The following SLC16A12 variants were observed in gnomAD, a reference collection of about 807,000 sequenced individuals.
SLC16A12 encodes solute carrier family 16 member 12.
A neutral mutation model predicts 42.4 loss-of-function variants in SLC16A12; 17 were observed. The ratio of observed to expected loss-of-function variants is 0.40; its 90% CI spans 0.27 to 0.60. SLC16A12 has a LOEUF of 0.60. Ranked by LOEUF, SLC16A12 falls within the 20% of genes least tolerant of loss-of-function variation. The pLI is 0.42. For synonymous variants in SLC16A12, 224 were observed against 229.4 expected (o/e 0.98, Z 0.21); for missense variants, 544 against 623.0 (o/e 0.87, Z 1.35).
At chr10:89,445,132 A>C (rs1242549676) in intron 3 of SLC16A12, among the ~76,000 whole-genome samples, 1 of 152,262 alleles carries the variant, frequency 6.6e-6, no homozygotes, top group Non-Finnish European at 1.5e-5. Context: ...CAGCTCAACC[A>C]GACTTCACCT....
chr10:89,499,886 T>C (rs1411122748), intron 2 of SLC16A12, among the ~76,000 whole-genome samples: 1 of 151,966 alleles, frequency 6.6e-6, no homozygotes, highest in Non-Finnish European at 1.5e-5. Flanking sequence ...ATAAATGAAA[T>C]TGTTAGACCA....
Position 89,435,948 on chromosome 10 carries a change from C to T in SLC16A12, c.1288+112G>A, listed in dbSNP as rs139867534. ...GCTCTTATATCCCTTTTCTCTTTCA[C>T]TCTTCCCCAACTCTCTTGACAGTCC... On this transcript the variant is annotated intron_variant, in intron 7 of 7. Coordinates refer to ENST00000371790, the MANE Select transcript of SLC16A12 (RefSeq NM_213606.4). The T allele has an allele frequency of 2.4e-4, 355 of 1,482,430 alleles. 5 individuals are homozygous for T. In the East Asian group the frequency reaches 8.2e-3, roughly 34 times the overall value. The allele number at this position is 1,482,430 out of a possible 1,614,324, so 91.8% of individuals were successfully genotyped here.
chr10:89,470,182 G>A (rs949288973), intron 2 of SLC16A12, among the ~76,000 whole-genome samples: 1 of 152,164 alleles, frequency 6.6e-6, no homozygotes, highest in Non-Finnish European at 1.5e-5. Context: ...ATGGGATTGT[G>A]TTATAGGGGA....
At chr10:89,555,618 G>T (rs1337192527) in intron 2 of SLC16A12, among the ~76,000 whole-genome samples, 1 of 138,366 alleles carries the variant, frequency 7.2e-6, no homozygotes, top group Non-Finnish European at 1.5e-5. Flanking sequence ...TATATATACA[G>T]ATATGTATAT....
chr10:89,436,108 C>T lies in SLC16A12; in HGVS notation c.1240G>A (p.Val414Ile), dbSNP rs749950595. The T allele has an allele frequency of 2.9e-5, 46 of 1,613,836 alleles. No homozygotes were observed. The highest frequency in any genetic ancestry group is 3.9e-5 in the Non-Finnish European group (46 of 1,179,962). ...TTSLSSALGV[V>I]YFLHAVPYLV... ...TATGGCACTGCGTGAAGGAAGTATA[C>T]CACACCAAGCGCTGATGACAAAGAG... The change falls in exon 7 of 8, where the codon GTA (valine) becomes ATA (isoleucine). Residue 414 changes from valine (V) to isoleucine (I), a missense_variant. By Grantham distance (29) the Val-to-Ile change is conservative. Transcript: ENST00000371790.
chr10:89,544,674 C>T (rs1388882508), intron 2 of SLC16A12, among the ~76,000 whole-genome samples: 3 of 152,036 alleles, frequency 2.0e-5, no homozygotes, highest in Non-Finnish European at 4.4e-5. Flanking sequence ...ATATACCAGG[C>T]CCTGTGTATG....
intron 2 of SLC16A12, among the ~76,000 whole-genome samples, chr10:89,489,282 A>C (rs1423580158): frequency 6.6e-6 from 1 of 152,108 alleles, no homozygotes; most frequent in Non-Finnish European, 1.5e-5. Context: ...GAGATTGGCC[A>C]CTGCTGAGGA....
At chr10:89,461,909 A>G (rs952189760) in intron 3 of SLC16A12, among the ~76,000 whole-genome samples, 2 of 152,224 alleles carry the variant, frequency 1.3e-5, no homozygotes, top group African/African-American at 4.8e-5. Context: ...ATGAGTTTTA[A>G]GTATTTCATA....
intron 2 of SLC16A12, among the ~76,000 whole-genome samples, chr10:89,534,016 C>G (rs560353288): frequency 6.6e-6 from 1 of 152,302 alleles, no homozygotes; most frequent in East Asian, 1.9e-4. Flanking sequence ...TTCAGCCAAT[C>G]CTTGCCAATC....
At chr10:89,548,430 T>G (rs1263735453) in intron 2 of SLC16A12, among the ~76,000 whole-genome samples, 2 of 152,120 alleles carry the variant, frequency 1.3e-5, no homozygotes, top group Non-Finnish European at 2.9e-5. Context: ...TTGAAAATGT[T>G]CTGTGCAAAA....
intron 2 of SLC16A12, among the ~76,000 whole-genome samples, chr10:89,543,518 G>A (rs1239799007): frequency 6.6e-6 from 1 of 152,118 alleles, no homozygotes; most frequent in East Asian, 1.9e-4. Flanking sequence ...GAGGCTAATT[G>A]AGATTTGTAC....
intron 3 of SLC16A12, among the ~76,000 whole-genome samples, chr10:89,453,968 T>TTCTCTC (rs35296744): frequency 2.0e-5 from 3 of 150,874 alleles, no homozygotes; most frequent in Non-Finnish European, 4.4e-5. Context: ...GTTCTACTTA[T>TTCTCTC]TCTCTCTCTC....
chr10:89,447,932 TCAC>T (rs1259489964), intron 3 of SLC16A12, among the ~76,000 whole-genome samples: 6 of 151,980 alleles, frequency 3.9e-5, no homozygotes, highest in African/African-American at 1.5e-4. Context: ...AAAGGGGAAA[TCAC>T]CACCAATCCC....
At chr10:89,505,342 G>A (rs994896192) in intron 2 of SLC16A12, among the ~76,000 whole-genome samples, 1 of 151,970 alleles carries the variant, frequency 6.6e-6, no homozygotes, top group African/African-American at 2.4e-5. Context: ...TTAAACCTGG[G>A]AGGTGGAGGT....
intron 2 of SLC16A12, among the ~76,000 whole-genome samples, chr10:89,512,835 G>A (rs1460198906): frequency 5.9e-5 from 9 of 152,202 alleles, no homozygotes; most frequent in African/African-American, 2.2e-4. Flanking sequence ...AAAGCAGGTT[G>A]GGTCAAAGTA....
chr10:89,454,255 G>A (rs181291968), intron 3 of SLC16A12, among the ~76,000 whole-genome samples: 4 of 152,096 alleles, frequency 2.6e-5, no homozygotes, highest in East Asian at 3.9e-4. Flanking sequence ...TAATCCTCTC[G>A]TCTCAGCCTC....
Position 89,436,046 on chromosome 10 carries a change from C to A in SLC16A12, c.1288+14G>T. 6.2e-7 allele frequency: 1 copy of A among 1,613,560 alleles called. No individual in the cohort carries two copies. The highest frequency in any genetic ancestry group is 8.5e-7 in the Non-Finnish European group (1 of 1,179,776). On this transcript the variant is annotated intron_variant, in intron 7 of 7. Transcript: ENST00000371790. ...AAGAGAAAAGGTGGTTGGGGTTTCT[C>A]TCTGGAAACTTACCTGCGATGGGTG...
intron 2 of SLC16A12, among the ~76,000 whole-genome samples, chr10:89,550,960 C>T (rs1418669410): frequency 6.6e-6 from 1 of 152,124 alleles, no homozygotes; most frequent in Non-Finnish European, 1.5e-5. Flanking sequence ...ATCTCCAGCA[C>T]CTTGTAAGTT....
At position 89,521,786 on chromosome 10, in the gene SLC16A12, C is replaced by A. The variant is rs1318055798; in HGVS notation, c.-47+12715G>T. The stretch of plus-strand genomic sequence containing the variant: ...AATCTGGCTGAAGCATCCAAAGTTA[C>A]CTGTGATGTGTGTTGTTTTGCCAAT... On this transcript the variant is annotated intron_variant, in intron 2 of 7. Coordinates refer to ENST00000371790, the MANE Select transcript of SLC16A12 (RefSeq NM_213606.4). 5.3e-5 allele frequency among the ~76,000 whole-genome samples: 8 copies of A among 152,306 alleles called. No homozygotes were observed. The East Asian group carries it at 1.5e-3, about 29-fold the overall frequency.
Sources: allele counts gnomAD v4.1 joint callset (sites outside exome capture counted in the v4.1 genomes callset), GRCh38; gene constraint gnomAD v4.1.1; transcripts MANE v1.5; gene names NCBI Gene and HGNC (gene_info 2026-07-23, HGNC 2026-07-21).